The following CFAP61 variants were observed in gnomAD, a reference collection of about 807,000 sequenced individuals.
CFAP61 encodes cilia and flagella associated protein 61, also known as cilia- and flagella-associated protein 61.
CFAP61 carries 107 observed loss-of-function variants against 135.6 expected under a neutral mutation model. That is an observed-to-expected ratio of 0.79 (90% CI 0.67 to 0.93). The LOEUF (loss-of-function observed/expected upper bound fraction) is 0.93, where lower values mean the gene tolerates loss of function less well. Among genes scored for constraint, CFAP61 ranks in the 40% least tolerant of loss-of-function variants. The probability of loss-of-function intolerance (pLI) is 0.00; values close to 1 mark genes in which losing one functional copy is unlikely to be tolerated. For missense variants in CFAP61, 1,507 were observed against 1,556.2 expected (o/e 0.97, Z 0.53); for synonymous variants, 575 against 578.5 (o/e 0.99, Z 0.09).
At chr20:20,294,937 A>AAAT (rs11474551) in intron 24 of CFAP61, among the ~76,000 whole-genome samples, 30,498 of 142,578 alleles carry the variant, frequency 0.21, 3,635 homozygotes, top group Non-Finnish European at 0.26. Flanking sequence ...TCCGTCTCAA[A>AAAT]AATAATAATA....
chr20:20,137,552 T>C (rs2051032147), intron 8 of CFAP61, among the ~76,000 whole-genome samples: 1 of 152,166 alleles, frequency 6.6e-6, no homozygotes, highest in Non-Finnish European at 1.5e-5. Context: ...CAGGGAGTAC[T>C]ACCAGGGTAC....
chr20:20,063,511 A>G (rs1460703245), intron 2 of CFAP61, among the ~76,000 whole-genome samples: 1 of 152,250 alleles, frequency 6.6e-6, no homozygotes, highest in Non-Finnish European at 1.5e-5. Flanking sequence ...TAATAATCTC[A>G]ATAAACAGAG....
chr20:20,272,516 T>G (rs2053440595), intron 21 of CFAP61, among the ~76,000 whole-genome samples: 1 of 152,178 alleles, frequency 6.6e-6, no homozygotes, highest in Admixed American at 6.5e-5. Context: ...ATCTTACCTG[T>G]CTATACAGCT....
chr20:20,310,257 G>A (rs766145889), intron 25 of CFAP61, among the ~76,000 whole-genome samples: 1 of 152,136 alleles, frequency 6.6e-6, no homozygotes, highest in African/African-American at 2.4e-5. Flanking sequence ...GCCTCCCAGA[G>A]TGCTGGGACT....
chr20:20,347,440 G>A (rs182617783), intron 26 of CFAP61, among the ~76,000 whole-genome samples: 1 of 152,174 alleles, frequency 6.6e-6, no homozygotes, highest in South Asian at 2.1e-4. Context: ...CCAAAAGTTA[G>A]TTCTTTGGAA....
intron 9 of CFAP61, among the ~76,000 whole-genome samples, chr20:20,154,399 AAAG>A (rs1224840214): frequency 6.6e-6 from 1 of 152,130 alleles, no homozygotes; most frequent in Non-Finnish European, 1.5e-5. Flanking sequence ...CCAAATTGAT[AAAG>A]AAGAGGCCAA....
intron 10 of CFAP61, among the ~76,000 whole-genome samples, chr20:20,162,081 C>G (rs528720012): frequency 6.6e-6 from 1 of 152,310 alleles, no homozygotes. Context: ...AATCTGTTCC[C>G]TTGCCTTTGC....
At chr20:20,274,732 T>G (rs1275122809) in intron 21 of CFAP61, among the ~76,000 whole-genome samples, 1 of 152,186 alleles carries the variant, frequency 6.6e-6, no homozygotes, top group Non-Finnish European at 1.5e-5. Flanking sequence ...TCTTACATAT[T>G]AATAACTAGT....
At chr20:20,181,317 A>AG (rs1264143775) in intron 13 of CFAP61, among the ~76,000 whole-genome samples, 6 of 144,092 alleles carry the variant, frequency 4.2e-5, no homozygotes, top group Admixed American at 1.4e-4. Flanking sequence ...TTGTGTCTAA[A>AG]ACAATTCATC....
At position 20,277,236 on chromosome 20, in the gene CFAP61, G is replaced by A. The variant is rs1173532452; in HGVS notation, c.2574G>A (p.Val858=). The A allele has an allele frequency of 3.1e-6, 5 of 1,613,442 alleles. No homozygotes were observed. The highest frequency in any genetic ancestry group is 4.2e-6 in the Non-Finnish European group (5 of 1,179,974). The change falls in exon 22 of 27, where the codon GTG becomes GTA. Residue 858 remains valine (V), a synonymous_variant. Coordinates refer to ENST00000245957, the MANE Select transcript of CFAP61 (RefSeq NM_015585.4). ...TTVETLLNLG[V]SGSRIHLVQP... ...TGGAGACGCTCTTAAACCTTGGCGTGAGCGGCAGCCGCATCCACCTCGTGC... is the reference window on the plus strand; with the variant it reads ...TGGAGACGCTCTTAAACCTTGGCGTAAGCGGCAGCCGCATCCACCTCGTGC...
chr20:20,230,435 G>T (rs1364740731), intron 18 of CFAP61, among the ~76,000 whole-genome samples: 1 of 152,182 alleles, frequency 6.6e-6, no homozygotes, highest in African/African-American at 2.4e-5. Flanking sequence ...TTTTATACAT[G>T]ATTTGAGCTG....
At chr20:20,154,045 G>T (rs1250962765) in intron 9 of CFAP61, among the ~76,000 whole-genome samples, 1 of 151,986 alleles carries the variant, frequency 6.6e-6, no homozygotes, top group Admixed American at 6.6e-5. Flanking sequence ...GGGATGCAGG[G>T]TTTAACATAT....
At chr20:20,317,825 A>G (rs2057225649) in intron 25 of CFAP61, among the ~76,000 whole-genome samples, 1 of 152,216 alleles carries the variant, frequency 6.6e-6, no homozygotes, top group Non-Finnish European at 1.5e-5. Flanking sequence ...AGCAAATCCA[A>G]GTGAAATAGG....
intron 26 of CFAP61, among the ~76,000 whole-genome samples, chr20:20,353,191 A>C (rs1417487691): frequency 6.6e-6 from 1 of 152,202 alleles, no homozygotes; most frequent in African/African-American, 2.4e-5. Context: ...TGGAGTTTGC[A>C]TGTTCTGCCC....
At chr20:20,302,214 T>G (rs967242957) in intron 25 of CFAP61, among the ~76,000 whole-genome samples, 3 of 152,254 alleles carry the variant, frequency 2.0e-5, no homozygotes, top group Non-Finnish European at 4.4e-5. Flanking sequence ...TGGTTCTGTA[T>G]TCTGAAAGTT....
chr20:20,319,750 A>G (rs2057341222), intron 25 of CFAP61, among the ~76,000 whole-genome samples: 1 of 152,264 alleles, frequency 6.6e-6, no homozygotes, highest in Non-Finnish European at 1.5e-5. Flanking sequence ...CCATCAAGTA[A>G]GAACCAATGG....
At position 20,075,365 on chromosome 20, in the gene CFAP61, G is replaced by A. The variant is rs965272778; in HGVS notation, c.439+109G>A. On this transcript the variant is annotated intron_variant, in intron 5 of 26. Coordinates refer to ENST00000245957, the MANE Select transcript of CFAP61 (RefSeq NM_015585.4). ...TAAGAGTGGTCTCCAGGTCCTCAAT[G>A]TACCATGTGCATATTTTATTAGAAC... is the stretch of plus-strand genomic sequence containing the variant. 11 of 1,436,546 alleles carry A rather than the reference G, an allele frequency of 7.7e-6. No homozygotes were observed. The South Asian group carries it at 1.3e-4, about 17-fold the overall frequency. 89.0% of individuals were successfully genotyped at this position (1,436,546 alleles called of 1,614,324 possible).
chr20:20,306,794 A>C (rs1228616606), intron 25 of CFAP61, among the ~76,000 whole-genome samples: 1 of 152,220 alleles, frequency 6.6e-6, no homozygotes, highest in Non-Finnish European at 1.5e-5. Context: ...TAGTGCTTTC[A>C]TTATTTGAAA....
chr20:20,084,276 T>A (rs917953278), intron 6 of CFAP61, among the ~76,000 whole-genome samples: 2 of 152,218 alleles, frequency 1.3e-5, no homozygotes, highest in African/African-American at 4.8e-5. Context: ...GTGACAACAT[T>A]CAGTTGTACA....
Sources: gnomAD v4.1 joint callset for allele counts (sites outside exome capture counted in the v4.1 genomes callset) on GRCh38, gnomAD v4.1.1 for gene constraint, MANE v1.5 for transcripts, NCBI Gene and HGNC (gene_info 2026-07-23, HGNC 2026-07-21) for gene names.